Variants in TRAPPC9 observed in about 807,000 individuals in gnomAD.
The protein encoded by TRAPPC9 is IKK2 binding protein.
TRAPPC9 carries 83 observed loss-of-function variants against 124.0 expected under a neutral mutation model. That is an observed-to-expected ratio of 0.67 (90% CI 0.56 to 0.80). The LOEUF is 0.80. Among genes scored for constraint, TRAPPC9 ranks in the 30% least tolerant of loss-of-function variants. TRAPPC9 has a pLI of 0.00. For missense variants in TRAPPC9, 1,302 were observed against 1,508.3 expected, an observed-to-expected ratio of 0.86 and a Z score of 2.27; for synonymous variants, 638 against 617.5, an observed-to-expected ratio of 1.03 and a Z score of -0.49.
chr8:140,132,547 G>A (rs1204110298), intron 17 of TRAPPC9, among the ~76,000 whole-genome samples: 3 of 152,120 alleles, frequency 2.0e-5, no homozygotes, highest in Non-Finnish European at 2.9e-5. Context: ...GCCCACCAAC[G>A]CAGAGCTTGA....
intron 21 of TRAPPC9, among the ~76,000 whole-genome samples, chr8:139,780,742 AGC>A (rs1821757749): frequency 1.3e-5 from 2 of 152,164 alleles, no homozygotes; most frequent in Non-Finnish European, 2.9e-5. Flanking sequence ...TGAGAAGACA[AGC>A]CGTAGCAAAT....
At chr8:140,209,923 T>C (rs1218707036) in intron 17 of TRAPPC9, among the ~76,000 whole-genome samples, 1 of 152,244 alleles carries the variant, frequency 6.6e-6, no homozygotes, top group East Asian at 1.9e-4. Context: ...TTCAGACATA[T>C]CCTGATTTGA....
intron 20 of TRAPPC9, among the ~76,000 whole-genome samples, chr8:139,904,033 C>T (rs369656884): frequency 2.6e-5 from 4 of 152,178 alleles, no homozygotes; most frequent in African/African-American, 9.6e-5. Context: ...GTTTTCATAC[C>T]TATGTGCTAG....
At chr8:140,386,343 G>A (rs2068755375) in intron 7 of TRAPPC9, among the ~76,000 whole-genome samples, 1 of 152,116 alleles carries the variant, frequency 6.6e-6, no homozygotes, top group African/African-American at 2.4e-5. Flanking sequence ...AAGAAATAAA[G>A]GGTATTTAAT....
intron 14 of TRAPPC9, among the ~76,000 whole-genome samples, chr8:140,276,990 C>G (rs935270049): frequency 6.6e-6 from 1 of 152,108 alleles, no homozygotes; most frequent in African/African-American, 2.4e-5. Context: ...TGTGGACCAC[C>G]CCACTCCAGA....
At chr8:139,856,971 C>T (rs1447031726) in intron 21 of TRAPPC9, among the ~76,000 whole-genome samples, 1 of 152,054 alleles carries the variant, frequency 6.6e-6, no homozygotes, top group Admixed American at 6.5e-5. Flanking sequence ...CCTCTGCTCC[C>T]GGGAGCACTG....
At chr8:140,158,998 G>C (rs1218216289) in intron 17 of TRAPPC9, among the ~76,000 whole-genome samples, 1 of 152,254 alleles carries the variant, frequency 6.6e-6, no homozygotes, top group African/African-American at 2.4e-5. Flanking sequence ...AGACGCTGAA[G>C]TGTAGGCACT....
At chr8:140,161,495 T>C (rs183324123) in intron 17 of TRAPPC9, among the ~76,000 whole-genome samples, 1 of 151,966 alleles carries the variant, frequency 6.6e-6, no homozygotes, top group African/African-American at 2.4e-5. Context: ...AAACATGAAA[T>C]ACATTTATGT....
intron 17 of TRAPPC9, among the ~76,000 whole-genome samples, chr8:140,141,755 C>G (rs1233256821): frequency 1.3e-5 from 2 of 152,176 alleles, no homozygotes; most frequent in African/African-American, 4.8e-5. Flanking sequence ...AGTCCATATT[C>G]AAAATCAAAA....
At chr8:139,898,898 T>A (rs992586751) in intron 20 of TRAPPC9, among the ~76,000 whole-genome samples, 13 of 151,732 alleles carry the variant, frequency 8.6e-5, no homozygotes, top group Non-Finnish European at 1.5e-4. Context: ...GGTGGGCGGA[T>A]CACCTGAGGT....
chr8:140,042,643 G>A (rs1841344802), intron 17 of TRAPPC9, among the ~76,000 whole-genome samples: 1 of 152,360 alleles, frequency 6.6e-6, no homozygotes, highest in East Asian at 1.9e-4. Flanking sequence ...GCCCTGTGGA[G>A]TGTCCGGGAC....
At chr8:140,326,852 G>GC (rs1236010751) in intron 9 of TRAPPC9, among the ~76,000 whole-genome samples, 1 of 152,196 alleles carries the variant, frequency 6.6e-6, no homozygotes, top group Non-Finnish European at 1.5e-5. Context: ...CTGAACTCCA[G>GC]CCTTGGTGAC....
intron 17 of TRAPPC9, among the ~76,000 whole-genome samples, chr8:140,168,685 C>T (rs759673481): frequency 3.3e-4 from 50 of 152,246 alleles, no homozygotes; most frequent in Admixed American, 7.2e-4. Flanking sequence ...CAAGGACAGA[C>T]GGATTGAGGG....
At chr8:139,777,014 C>T (rs1329437501) in intron 21 of TRAPPC9, among the ~76,000 whole-genome samples, 2 of 152,186 alleles carry the variant, frequency 1.3e-5, no homozygotes, top group Non-Finnish European at 2.9e-5. Context: ...GAGGTTCCAG[C>T]CACACTAGGC....
chr8:139,786,497 G>A (rs988582745), intron 21 of TRAPPC9, among the ~76,000 whole-genome samples: 8 of 151,828 alleles, frequency 5.3e-5, no homozygotes, highest in Non-Finnish European at 1.0e-4. Context: ...AGAACAGTTT[G>A]GAAGCTTCTT....
chr8:140,014,581 G>A (rs535797783), intron 18 of TRAPPC9, among the ~76,000 whole-genome samples: 1 of 152,204 alleles, frequency 6.6e-6, no homozygotes, highest in Admixed American at 6.5e-5. Flanking sequence ...TCCCCCTAGG[G>A]AGTGCAGAGA....
intron 19 of TRAPPC9, among the ~76,000 whole-genome samples, chr8:139,925,464 A>C (rs1563926496): frequency 6.6e-6 from 1 of 152,110 alleles, no homozygotes; most frequent in Non-Finnish European, 1.5e-5. Flanking sequence ...CAAAGCTGTA[A>C]AGGCCGGGCA....
intron 17 of TRAPPC9, among the ~76,000 whole-genome samples, chr8:140,043,824 T>C (rs1841414204): frequency 6.6e-6 from 1 of 152,162 alleles, no homozygotes; most frequent in African/African-American, 2.4e-5. Context: ...CCCTAATTAG[T>C]GAGATGGGGA....
chr8:140,017,608 AC>A, intron 18 of TRAPPC9, among the ~76,000 whole-genome samples: 1 of 152,076 alleles, frequency 6.6e-6, no homozygotes. Flanking sequence ...CCAATAACAT[AC>A]TCTCTTGATT....
Sources: allele counts gnomAD v4.1 joint callset (sites outside exome capture counted in the v4.1 genomes callset), GRCh38; gene constraint gnomAD v4.1.1; transcripts MANE v1.5; gene names NCBI Gene and HGNC (gene_info 2026-07-23, HGNC 2026-07-21).